The following DLGAP2 variants were observed in gnomAD, a reference collection of about 807,000 sequenced individuals.
The protein encoded by DLGAP2 is disks large-associated protein 2.
Under a neutral mutation model 100.3 loss-of-function variants are expected in DLGAP2, and 26 were observed. The observed-to-expected ratio is 0.26, with a 90% confidence interval of 0.19 to 0.36. The LOEUF is 0.36. DLGAP2 is among the 10% of genes least tolerant of loss of function. The probability of loss-of-function intolerance (pLI) is 1.00; values close to 1 mark genes in which losing one functional copy is unlikely to be tolerated. For synonymous variants in DLGAP2, 886 were observed against 630.1 expected (o/e 1.41, Z -6.08); for missense variants, 1,858 against 1,453.2 (o/e 1.28, Z -4.53).
At chr8:979,807 G>C (rs906515983) in intron 2 of DLGAP2, among the ~76,000 whole-genome samples, 2 of 152,208 alleles carry the variant, frequency 1.3e-5, no homozygotes, top group African/African-American at 2.4e-5. Context: ...TTGTCACATG[G>C]CCTGCCTAAG....
At chr8:1,348,512 A>G (rs66511584) in intron 3 of DLGAP2, among the ~76,000 whole-genome samples, 15,507 of 84,072 alleles carry the variant, frequency 0.18, 638 homozygotes, top group East Asian at 0.27. Context: ...TGCACTCATG[A>G]TAGCTGTTTG....
At chr8:1,427,571 A>G (rs558783833) in intron 3 of DLGAP2, among the ~76,000 whole-genome samples, 2 of 152,248 alleles carry the variant, frequency 1.3e-5, no homozygotes, top group East Asian at 1.9e-4. Flanking sequence ...AACTCCCACA[A>G]TCCCCACATG....
chr8:847,658 A>G (rs1026448722), intron 1 of DLGAP2, among the ~76,000 whole-genome samples: 8 of 151,962 alleles, frequency 5.3e-5, no homozygotes, highest in Non-Finnish European at 8.8e-5. Flanking sequence ...AGGCGCACGC[A>G]ACCACACCTG....
chr8:985,507 C>T (rs1563128957), intron 2 of DLGAP2, among the ~76,000 whole-genome samples: 2 of 152,168 alleles, frequency 1.3e-5, no homozygotes, highest in African/African-American at 4.8e-5. Context: ...GGTCTTTCAC[C>T]AGTTGCTTAG....
At chr8:1,125,222 G>A (rs117374624) in intron 2 of DLGAP2, among the ~76,000 whole-genome samples, 1,762 of 152,226 alleles carry the variant, frequency 0.012, 23 homozygotes, top group Non-Finnish European at 0.016. Context: ...CTGTTACACC[G>A]TCAGGGTTGT....
intron 2 of DLGAP2, among the ~76,000 whole-genome samples, chr8:1,098,327 TTGTTCACCTTCAATGAA>T (rs994413661): frequency 1.3e-5 from 2 of 152,210 alleles, no homozygotes; most frequent in East Asian, 1.9e-4. Flanking sequence ...CAAACAATGT[TTGTTCACCTTCAATGAA>T]TGTTCACCTT....
At chr8:1,526,986 A>G (rs1563202220) in intron 4 of DLGAP2, among the ~76,000 whole-genome samples, 1 of 152,134 alleles carries the variant, frequency 6.6e-6, no homozygotes, top group Non-Finnish European at 1.5e-5. Flanking sequence ...TGCCGTCACA[A>G]GCCCACCCGT....
At chr8:1,414,941 G>A (rs1346020051) in intron 3 of DLGAP2, among the ~76,000 whole-genome samples, 2 of 152,130 alleles carry the variant, frequency 1.3e-5, no homozygotes, top group Non-Finnish European at 2.9e-5. Context: ...CCTGGGAGGT[G>A]GAGGTTTCAG....
intron 2 of DLGAP2, among the ~76,000 whole-genome samples, chr8:1,143,096 A>G (rs959969130): frequency 2.0e-5 from 3 of 152,166 alleles, no homozygotes; most frequent in African/African-American, 7.2e-5. Flanking sequence ...CAGCTGCTTG[A>G]TGTTAGCGCA....
In DLGAP2 at chr8:781,609, G is replaced by A. The variant is rs573808670; in HGVS notation, c.18+43784G>A. Among the ~76,000 whole-genome samples the A allele has an allele frequency of 2.0e-5, 3 of 152,240 alleles. No individual in the cohort carries two copies. In the South Asian group the frequency reaches 6.2e-4, roughly 32 times the overall value. ...TGACTGCAGATTACAGGGGTGGTGG[G>A]GAGCGCTGAGCCCATTAACACAAGA... is the stretch of plus-strand genomic sequence containing the variant. On this transcript the variant is annotated intron_variant, in intron 1 of 14. Transcript: ENST00000637795.
chr8:1,613,587 T>G (rs1295790650), intron 6 of DLGAP2, among the ~76,000 whole-genome samples: 1 of 151,790 alleles, frequency 6.6e-6, no homozygotes, highest in Non-Finnish European at 1.5e-5. Flanking sequence ...TCAACTGAAA[T>G]TTATGCACTG....
intron 3 of DLGAP2, among the ~76,000 whole-genome samples, chr8:1,327,557 A>G (rs535155582): frequency 1.3e-5 from 2 of 152,314 alleles, no homozygotes; most frequent in South Asian, 2.1e-4. Flanking sequence ...GTAAAGAAAC[A>G]TGGTGAGCCA....
At chr8:1,271,635 G>C (rs1799586226) in intron 3 of DLGAP2, among the ~76,000 whole-genome samples, 1 of 152,130 alleles carries the variant, frequency 6.6e-6, no homozygotes, top group South Asian at 2.1e-4. Flanking sequence ...TTGATCTACT[G>C]TTTTATAAAA....
At chr8:1,392,863 G>C (rs1363374113) in intron 3 of DLGAP2, among the ~76,000 whole-genome samples, 1 of 147,802 alleles carries the variant, frequency 6.8e-6, no homozygotes, top group African/African-American at 2.5e-5. Context: ...AATGGGGCGT[G>C]TGTCTTTGTT....
chr8:1,296,234 C>T (rs1800169748), intron 3 of DLGAP2: 1 of 152,068 alleles, frequency 6.6e-6, no homozygotes, highest in Non-Finnish European at 1.5e-5. Flanking sequence ...AAATCAAGGA[C>T]ATAAATTCAG....
chr8:1,343,107 T>C (rs1218411010), intron 3 of DLGAP2, among the ~76,000 whole-genome samples: 1 of 152,164 alleles, frequency 6.6e-6, no homozygotes, highest in Non-Finnish European at 1.5e-5. Context: ...AGATGGTGCT[T>C]AATTATTCAC....
chr8:1,184,440 G>T (rs1797456452), intron 2 of DLGAP2, among the ~76,000 whole-genome samples: 1 of 152,208 alleles, frequency 6.6e-6, no homozygotes, highest in Non-Finnish European at 1.5e-5. Context: ...CATCCCGTGT[G>T]AAGGAGACGG....
intron 1 of DLGAP2, among the ~76,000 whole-genome samples, chr8:890,417 A>C (rs1196916091): frequency 1.3e-5 from 2 of 151,872 alleles, no homozygotes; most frequent in Admixed American, 6.6e-5. Flanking sequence ...TCCCCATGGG[A>C]ATATAGTTCG....
chr8:1,355,193 CAGT>C (rs1242333264), intron 3 of DLGAP2, among the ~76,000 whole-genome samples: 2 of 152,224 alleles, frequency 1.3e-5, no homozygotes, highest in Non-Finnish European at 2.9e-5. Flanking sequence ...ATGCCCGTGA[CAGT>C]GGTGGCACCC....
Sources: allele counts gnomAD v4.1 joint callset (sites outside exome capture counted in the v4.1 genomes callset), GRCh38; gene constraint gnomAD v4.1.1; transcripts MANE v1.5; gene names NCBI Gene and HGNC (gene_info 2026-07-23, HGNC 2026-07-21).